Variants in ZFHX3 observed in about 807,000 individuals in gnomAD.
The protein encoded by ZFHX3 is zinc finger homeobox 3.
Under a neutral mutation model 279.1 loss-of-function variants are expected in ZFHX3, and 42 were observed. That is an observed-to-expected ratio of 0.15 (90% CI 0.12 to 0.19). The LOEUF (loss-of-function observed/expected upper bound fraction) is 0.19, where lower values mean the gene tolerates loss of function less well. Among genes scored for constraint, ZFHX3 ranks in the 10% least tolerant of loss-of-function variants. ZFHX3 has a pLI of 1.00. For missense variants in ZFHX3, 4,981 were observed against 4,754.0 expected (o/e 1.05, Z -1.40); for synonymous variants, 2,293 against 1,957.8 (o/e 1.17, Z -4.52).
intron 3 of ZFHX3, among the ~76,000 whole-genome samples, chr16:73,339,743 T>C (rs2015993598): frequency 6.6e-6 from 1 of 152,138 alleles, no homozygotes; most frequent in East Asian, 1.9e-4. Flanking sequence ...TTTCCAGACA[T>C]GAACTGACAT....
chr16:72,854,241 T>C (rs909194603), intron 4 of ZFHX3, among the ~76,000 whole-genome samples: 1 of 152,242 alleles, frequency 6.6e-6, no homozygotes, highest in East Asian at 1.9e-4. Context: ...CTTCTAGCTT[T>C]TGGACTTTTC....
intron 4 of ZFHX3, among the ~76,000 whole-genome samples, chr16:72,850,460 CTT>C (rs1426111866): frequency 6.6e-6 from 1 of 152,226 alleles, no homozygotes; most frequent in East Asian, 1.9e-4. Flanking sequence ...TTCAACAGCA[CTT>C]ATATCACTGT....
intron 8 of ZFHX3, chr16:73,081,147 C>G (rs1965939124): frequency 6.6e-6 from 1 of 152,242 alleles, no homozygotes; most frequent in Non-Finnish European, 1.5e-5. Context: ...CCTCACTGTC[C>G]CAGCACCAGA....
intron 3 of ZFHX3, among the ~76,000 whole-genome samples, chr16:72,903,655 A>G (rs775418019): frequency 1.6e-4 from 25 of 152,096 alleles, no homozygotes; most frequent in Non-Finnish European, 3.4e-4. Context: ...AAAAGAACAC[A>G]GAGGCCCTTG....
At chr16:73,329,927 G>A (rs996599055) in intron 3 of ZFHX3, among the ~76,000 whole-genome samples, 3 of 152,100 alleles carry the variant, frequency 2.0e-5, no homozygotes, top group African/African-American at 7.2e-5. Context: ...CAAAACAAAC[G>A]TCCTCAGTGG....
chr16:73,792,432 C>G (rs1397709972), intron 1 of ZFHX3, among the ~76,000 whole-genome samples: 1 of 152,148 alleles, frequency 6.6e-6, no homozygotes, highest in African/African-American at 2.4e-5. Context: ...GCTGGCAATA[C>G]TAAATCACAG....
chr16:73,222,867 T>C (rs551135917), intron 5 of ZFHX3, among the ~76,000 whole-genome samples: 9 of 152,188 alleles, frequency 5.9e-5, no homozygotes, highest in East Asian at 1.9e-4. Context: ...GGTAAAAAGA[T>C]AGACAAATAG....
At chr16:73,295,091 T>G (rs151076667) in intron 4 of ZFHX3, among the ~76,000 whole-genome samples, 5,059 of 151,854 alleles carry the variant, frequency 0.033, 283 homozygotes, top group African/African-American at 0.12. Context: ...GGCAGGTGCC[T>G]GTAGTCTCAG....
At chr16:72,817,311 T>G (rs967487305) in intron 5 of ZFHX3, among the ~76,000 whole-genome samples, 2 of 152,094 alleles carry the variant, frequency 1.3e-5, no homozygotes, top group African/African-American at 4.8e-5. Flanking sequence ...AACTTAAGAG[T>G]TGTGCTTGCA....
At chr16:73,753,373 G>A (rs559065701) in intron 1 of ZFHX3, among the ~76,000 whole-genome samples, 56 of 152,310 alleles carry the variant, frequency 3.7e-4, no homozygotes. Flanking sequence ...TGCAGTGACA[G>A]TCCACATATA....
Position 73,617,465 on chromosome 16 carries a change from AG to A in ZFHX3, c.-1547+62714del, listed in dbSNP as rs544138603. 4.1e-4 allele frequency among the ~76,000 whole-genome samples: 63 copies of A among 152,386 alleles called. 1 individual carries two copies. Among genetic ancestry groups the A allele is most frequent in the African/African-American group, 1.5e-3 (63 of 41,594 alleles). ...AAATAGGTAGTCCTGATAGCTTAGC[AG>A]TTATATGATACAATATACAAAACAA... On this transcript the variant is annotated intron_variant, in intron 2 of 17. Transcript: ENST00000641206.
At chr16:72,954,352 A>G (rs1391035562) in intron 2 of ZFHX3, among the ~76,000 whole-genome samples, 1 of 152,188 alleles carries the variant, frequency 6.6e-6, no homozygotes, top group African/African-American at 2.4e-5. Flanking sequence ...CCTGGGCGAC[A>G]AGAGTGAAAC....
intron 1 of ZFHX3, among the ~76,000 whole-genome samples, chr16:72,962,502 C>T (rs765491027): frequency 7.2e-5 from 11 of 152,222 alleles, no homozygotes; most frequent in South Asian, 2.1e-4. Context: ...CATGAGGACA[C>T]GGGTCGGAGA....
chr16:73,112,911 GC>G (rs1966394738), intron 7 of ZFHX3, among the ~76,000 whole-genome samples: 1 of 151,922 alleles, frequency 6.6e-6, no homozygotes, highest in South Asian at 2.1e-4. Flanking sequence ...TCGGAGCCAG[GC>G]CCGCCCTGGA....
intron 1 of ZFHX3, among the ~76,000 whole-genome samples, chr16:73,730,963 G>A (rs2053565361): frequency 6.6e-6 from 1 of 152,128 alleles, no homozygotes; most frequent in Admixed American, 6.6e-5. Context: ...AGACAGCCGA[G>A]GAGGAAGAGT....
At chr16:73,556,854 G>A (rs561820583) in intron 2 of ZFHX3, among the ~76,000 whole-genome samples, 1 of 151,988 alleles carries the variant, frequency 6.6e-6, no homozygotes, top group East Asian at 2.0e-4. Context: ...CCAGCACTTT[G>A]GGAGGCCGAG....
chr16:73,185,538 T>C lies in ZFHX3; in HGVS notation c.-1103-41707A>G, dbSNP rs561583751. Among the ~76,000 whole-genome samples the C allele has an allele frequency of 3.3e-5, 5 of 152,264 alleles. No individual in the cohort carries two copies. In the East Asian group the frequency reaches 9.6e-4, roughly 29 times the overall value. On this transcript the variant is annotated intron_variant, in intron 5 of 17. Coordinates refer to the ZFHX3 transcript ENST00000641206. ...GCAAGTATCCCCCAAAAGCTATTCC[T>C]TTTGTGTGGAATGGGCAAACCTCTG... is the stretch of plus-strand genomic sequence containing the variant.
chr16:73,686,595 G>C (rs1243381745), intron 1 of ZFHX3, among the ~76,000 whole-genome samples: 1 of 152,166 alleles, frequency 6.6e-6, no homozygotes, highest in Non-Finnish European at 1.5e-5. Flanking sequence ...GAGCTGCCCA[G>C]AGTGATGAGT....
intron 3 of ZFHX3, among the ~76,000 whole-genome samples, chr16:72,905,569 G>A (rs892098672): frequency 3.9e-5 from 6 of 152,166 alleles, no homozygotes; most frequent in African/African-American, 1.4e-4. Flanking sequence ...GGAAGAGGGA[G>A]TACACTCCGC....
Sources: allele counts gnomAD v4.1 joint callset (sites outside exome capture counted in the v4.1 genomes callset), GRCh38; gene constraint gnomAD v4.1.1; transcripts MANE v1.5; gene names NCBI Gene and HGNC (gene_info 2026-07-23, HGNC 2026-07-21).